Variants in ALK observed in about 807,000 individuals in gnomAD.
ALK encodes ALK tyrosine kinase receptor.
ALK carries 74 observed loss-of-function variants against 163.1 expected under a neutral mutation model. That is an observed-to-expected ratio of 0.45 (90% CI 0.38 to 0.55). ALK has a LOEUF of 0.55. ALK is among the 20% of genes least tolerant of loss of function. ALK has a pLI of 0.00. For synonymous variants in ALK, 960 were observed against 843.2 expected, an observed-to-expected ratio of 1.14 and a Z score of -2.40; for missense variants, 2,063 against 2,105.3, an observed-to-expected ratio of 0.98 and a Z score of 0.39.
chr2:29,409,526 T>C (rs1215852216), intron 4 of ALK, among the ~76,000 whole-genome samples: 5 of 152,206 alleles, frequency 3.3e-5, no homozygotes, highest in South Asian at 4.2e-4. Flanking sequence ...CATCCCTCTA[T>C]CCATTATTCT....
intron 24 of ALK, among the ~76,000 whole-genome samples, chr2:29,211,331 C>T (rs72790262): frequency 0.29 from 37,312 of 128,396 alleles, 5,983 homozygotes; most frequent in South Asian, 0.47. Context: ...GCCGTTAATT[C>T]TCAAGAGAAA....
chr2:29,770,281 A>G (rs1680983010), intron 1 of ALK, among the ~76,000 whole-genome samples: 1 of 152,256 alleles, frequency 6.6e-6, no homozygotes, highest in Admixed American at 6.5e-5. Flanking sequence ...TAAGCAGGTA[A>G]CTAGGAGAGC....
intron 1 of ALK, among the ~76,000 whole-genome samples, chr2:29,744,712 G>C (rs1241144863): frequency 6.6e-6 from 1 of 152,104 alleles, no homozygotes; most frequent in Non-Finnish European, 1.5e-5. Context: ...GCTGACTCTT[G>C]GCTGGGATCT....
intron 8 of ALK, among the ~76,000 whole-genome samples, chr2:29,297,810 A>C (rs192109879): frequency 6.6e-6 from 1 of 151,604 alleles, no homozygotes; most frequent in Non-Finnish European, 1.5e-5. Flanking sequence ...GATCATATTC[A>C]GAGGTAGGAC....
chr2:29,212,155 A>G (rs1372168099), intron 24 of ALK, among the ~76,000 whole-genome samples: 2 of 152,222 alleles, frequency 1.3e-5, no homozygotes, highest in Admixed American at 6.5e-5. Flanking sequence ...TAAGTGAAGG[A>G]AGACATCTGG....
At chr2:29,602,206 T>C (rs985681618) in intron 3 of ALK, among the ~76,000 whole-genome samples, 1 of 152,092 alleles carries the variant, frequency 6.6e-6, no homozygotes, top group Non-Finnish European at 1.5e-5. Flanking sequence ...CTTGTCCTTA[T>C]TCTCACAGAA....
At chr2:29,798,748 C>T (rs145061696) in intron 1 of ALK, among the ~76,000 whole-genome samples, 181 of 152,272 alleles carry the variant, frequency 1.2e-3, no homozygotes, top group African/African-American at 3.9e-3. Flanking sequence ...TAGGTAAGGA[C>T]GGCTTTATCC....
chr2:29,321,896 A>G (rs188006909), intron 6 of ALK, among the ~76,000 whole-genome samples: 2 of 152,352 alleles, frequency 1.3e-5, no homozygotes, highest in Admixed American at 6.5e-5. Flanking sequence ...CTCAGGTCCT[A>G]TTGAAGAGGT....
At chr2:29,236,604 A>G (rs1664390670) in intron 13 of ALK, among the ~76,000 whole-genome samples, 1 of 152,116 alleles carries the variant, frequency 6.6e-6, no homozygotes. Flanking sequence ...GGAGCGGTCA[A>G]GGCTCTTGCT....
chr2:29,692,780 G>A (rs887001911), intron 3 of ALK, among the ~76,000 whole-genome samples: 5 of 152,188 alleles, frequency 3.3e-5, no homozygotes, highest in African/African-American at 1.2e-4. Flanking sequence ...TGTGCACCAA[G>A]AGAGATGTAC....
chr2:29,492,054 T>C (rs915594086), intron 4 of ALK, among the ~76,000 whole-genome samples: 1 of 152,186 alleles, frequency 6.6e-6, no homozygotes, highest in South Asian at 2.1e-4. Flanking sequence ...AAATGAAATA[T>C]CTATCTAGTA....
intron 1 of ALK, among the ~76,000 whole-genome samples, chr2:29,917,137 A>C (rs188221916): frequency 1.3e-5 from 2 of 152,284 alleles, no homozygotes; most frequent in Admixed American, 6.5e-5. Context: ...TTACTATTTT[A>C]GTCATGGTCC....
chr2:29,228,926 C>CCACCCCCCCCCAA lies in ALK; in HGVS notation c.2772_2773insTTGGGGGGGGGTG (p.Gly925LeufsTer27). The CCACCCCCCCCCAA allele has an allele frequency of 6.8e-7, 1 of 1,480,206 alleles. No individual in the cohort carries two copies. 91.7% of individuals were successfully genotyped at this position (1,480,206 alleles called of 1,614,324 possible). On this transcript the variant is annotated frameshift_variant, in exon 16 of 29. Transcript: ENST00000389048. LOFTEE classifies it high-confidence loss of function. ...CCTCCACCTGAGGAGCACCCCCCTC[C>CCACCCCCCCCCAA]ACCCCCTCCGAAACCCCCTCTTGTC...
intron 4 of ALK, among the ~76,000 whole-genome samples, chr2:29,434,077 G>C (rs1412985622): frequency 2.6e-5 from 4 of 152,174 alleles, no homozygotes; most frequent in Admixed American, 6.5e-5. Flanking sequence ...CTTGTGCCTG[G>C]AGTTTTATAC....
chr2:29,427,259 T>TCACTAC (rs1303781278), intron 4 of ALK, among the ~76,000 whole-genome samples: 1 of 152,014 alleles, frequency 6.6e-6, no homozygotes, highest in Admixed American at 6.6e-5. Flanking sequence ...AAGGTTAGTA[T>TCACTAC]CACTACCACT....
At chr2:29,638,153 A>G (rs1676597643) in intron 3 of ALK, among the ~76,000 whole-genome samples, 1 of 152,166 alleles carries the variant, frequency 6.6e-6, no homozygotes, top group East Asian at 1.9e-4. Context: ...TGGCATCTCA[A>G]CAATGGCGGA....
At chr2:29,741,028 G>T (rs1680044720) in intron 1 of ALK, among the ~76,000 whole-genome samples, 1 of 152,072 alleles carries the variant, frequency 6.6e-6, no homozygotes, top group African/African-American at 2.4e-5. Context: ...AAATAAAAAA[G>T]AGAAATGTAT....
chr2:29,326,523 C>G (rs1667267604), intron 6 of ALK, among the ~76,000 whole-genome samples: 1 of 152,006 alleles, frequency 6.6e-6, no homozygotes, highest in Non-Finnish European at 1.5e-5. Context: ...ACACACAGGC[C>G]CCTGAACAGG....
In ALK at chr2:29,906,515, T is replaced by C. The variant is rs77850108; in HGVS notation, c.667+13478A>G. ...GATATGTGGGATAACTGACTTCAAATGTTTGAAGGACCCTCATGTTGGGGA... is the reference window on the plus strand; with the variant it reads ...GATATGTGGGATAACTGACTTCAAACGTTTGAAGGACCCTCATGTTGGGGA... On this transcript the variant is annotated intron_variant, in intron 1 of 28. Transcript: ENST00000389048. Among the ~76,000 whole-genome samples, 219 of 152,290 alleles carry C rather than the reference T, an allele frequency of 1.4e-3. 3 individuals carry two copies. In the East Asian group the frequency reaches 0.036, roughly 25 times the overall value.
Sources: allele counts gnomAD v4.1 joint callset (sites outside exome capture counted in the v4.1 genomes callset), GRCh38; gene constraint gnomAD v4.1.1; transcripts MANE v1.5; gene names NCBI Gene and HGNC (gene_info 2026-07-23, HGNC 2026-07-21).